The following FER variants were observed in gnomAD, a reference collection of about 807,000 sequenced individuals.
FER encodes tyrosine-protein kinase Fer.
A neutral mutation model predicts 111.0 loss-of-function variants in FER; 63 were observed. That is an observed-to-expected ratio of 0.57 (90% CI 0.46 to 0.70). The LOEUF (loss-of-function observed/expected upper bound fraction) is 0.70, where lower values mean the gene tolerates loss of function less well. Ranked by LOEUF, FER falls within the 30% of genes least tolerant of loss-of-function variation. The pLI, the probability that FER is intolerant of heterozygous loss-of-function variation, is 0.00. For synonymous variants in FER, 327 were observed against 313.9 expected (o/e 1.04, Z -0.44); for missense variants, 914 against 954.0 (o/e 0.96, Z 0.55).
At chr5:109,185,243 G>C (rs1204018766) in intron 18 of FER, among the ~76,000 whole-genome samples, 1 of 152,070 alleles carries the variant, frequency 6.6e-6, no homozygotes, top group Non-Finnish European at 1.5e-5. Context: ...CAGTAAAACA[G>C]GTGCACCTAG....
In FER at chr5:109,194,806, C is replaced by T. The variant is rs1184248006; in HGVS notation, c.*7231C>T. 6.9e-6 allele frequency: 1 copy of T among 145,182 alleles called. No homozygotes were observed. The highest frequency in any genetic ancestry group is 2.4e-5 in the African/African-American group (1 of 40,824). 9.0% of individuals were successfully genotyped at this position (145,182 alleles called of 1,614,324 possible). On this transcript the variant is annotated 3_prime_UTR_variant, in exon 20 of 20. Transcript: ENST00000281092. Reference sequence around the variant, plus strand: ...CAGGAAAGGAAACAGAATCCAAAGTCATTTTTCATATAGCTGTTGTCAAAT... The same window carrying T: ...CAGGAAAGGAAACAGAATCCAAAGTTATTTTTCATATAGCTGTTGTCAAAT...
At chr5:108,969,114 AG>A (rs2149692135) in intron 13 of FER, among the ~76,000 whole-genome samples, 1 of 152,302 alleles carries the variant, frequency 6.6e-6, no homozygotes, top group South Asian at 2.1e-4. Context: ...CCACTATAGA[AG>A]GCATTTTGGC....
At chr5:108,976,921 C>T (rs915300389) in intron 13 of FER, among the ~76,000 whole-genome samples, 1 of 152,172 alleles carries the variant, frequency 6.6e-6, no homozygotes, top group African/African-American at 2.4e-5. Flanking sequence ...TCCAGCATCA[C>T]TAGTGGCACT....
At chr5:108,897,918 T>C in intron 10 of FER, 70 bp downstream of exon 10, 4 of 1,317,286 alleles carry the variant, frequency 3.0e-6, no homozygotes, top group Non-Finnish European at 4.1e-6. Flanking sequence ...ATACAAAAAT[T>C]ATTTAAATTT....
At chr5:108,839,826 C>T (rs1761078419) in intron 5 of FER, among the ~76,000 whole-genome samples, 1 of 152,004 alleles carries the variant, frequency 6.6e-6, no homozygotes, top group Non-Finnish European at 1.5e-5. Flanking sequence ...ATCCGCCTGC[C>T]TTCGCCTCCC....
chr5:109,005,861 T>G (rs1765432837), intron 13 of FER, among the ~76,000 whole-genome samples: 1 of 152,226 alleles, frequency 6.6e-6, no homozygotes, highest in Admixed American at 6.5e-5. Context: ...ATGAATGAAT[T>G]AATCATTCCA....
At chr5:109,133,160 T>C (rs1479607097) in intron 17 of FER, among the ~76,000 whole-genome samples, 2 of 152,188 alleles carry the variant, frequency 1.3e-5, no homozygotes, top group East Asian at 3.8e-4. Flanking sequence ...AAAGTGCATA[T>C]CATAAATTGA....
intron 10 of FER, among the ~76,000 whole-genome samples, chr5:108,939,656 T>C (rs540633262): frequency 6.6e-6 from 1 of 152,206 alleles, no homozygotes; most frequent in East Asian, 1.9e-4. Context: ...CCTGGTTGGA[T>C]TTTATTAGCT....
rs1752816757 is a variant in FER, at chr5:108,770,815, T to A, written c.-60+2577T>A. Reference sequence around the variant, plus strand: ...CAGCTTCATCAGAGGATATTTATATTCAGCTTCTTAGGATTGATATTTCAG... The same window carrying A: ...CAGCTTCATCAGAGGATATTTATATACAGCTTCTTAGGATTGATATTTCAG... On this transcript the variant is annotated intron_variant, in intron 2 of 19. Transcript: ENST00000281092. Among the ~76,000 whole-genome samples, 3 of 152,322 alleles carry A rather than the reference T, an allele frequency of 2.0e-5. No homozygotes were observed. In the South Asian group the frequency reaches 6.2e-4, roughly 32 times the overall value.
At position 108,871,374 on chromosome 5, in the gene FER, A is replaced by G. The variant is rs143449963; in HGVS notation, c.675A>G (p.Ile225Met). The G allele has an allele frequency of 6.2e-7, 1 of 1,608,432 alleles. No homozygotes were observed. The highest frequency in any genetic ancestry group is 1.3e-5 in the African/African-American group (1 of 74,644). The change falls in exon 7 of 20, where the codon ATA becomes ATG. Residue 225 changes from isoleucine to methionine, a missense_variant. By Grantham distance (10) the Ile-to-Met change is conservative. Around this residue, in one of 3 missense-constraint regions of FER, gnomAD observed 774 missense variants for 782.6 expected, o/e 0.99. Coordinates refer to ENST00000281092, the MANE Select transcript of FER (RefSeq NM_005246.4). ...TTATTTTTGTTTTCAGCAAAGGTAT[A>G]TTTGATGAATACAGCCAGATAACCA... ...QEEMIKALKG[I>M]FDEYSQITSL... is the part of the protein sequence containing the mutation.
At chr5:108,876,862 T>G (rs1231820885) in intron 8 of FER, among the ~76,000 whole-genome samples, 1 of 152,248 alleles carries the variant, frequency 6.6e-6, no homozygotes. Context: ...CAAAAAATTT[T>G]CATTCTTCTC....
At chr5:108,931,913 G>T (rs1455329848) in intron 10 of FER, among the ~76,000 whole-genome samples, 2 of 151,936 alleles carry the variant, frequency 1.3e-5, no homozygotes, top group Non-Finnish European at 2.9e-5. Flanking sequence ...TGTGGTAATT[G>T]TTCAAATATA....
At chr5:108,892,218 C>G (rs916102080) in intron 9 of FER, among the ~76,000 whole-genome samples, 1 of 152,164 alleles carries the variant, frequency 6.6e-6, no homozygotes, top group African/African-American at 2.4e-5. Context: ...ATTTCTAGTT[C>G]TAGGTCCCTG....
At chr5:109,035,746 G>T (rs1018002546) in intron 13 of FER, among the ~76,000 whole-genome samples, 1 of 152,048 alleles carries the variant, frequency 6.6e-6, no homozygotes, top group Non-Finnish European at 1.5e-5. Context: ...TCTGCGTTGG[G>T]AAAAAAATGC....
chr5:109,123,720 C>G (rs1041493464), intron 17 of FER, among the ~76,000 whole-genome samples: 4 of 152,144 alleles, frequency 2.6e-5, no homozygotes, highest in African/African-American at 9.7e-5. Context: ...CTTATTATTT[C>G]TATCTTCTTA....
chr5:109,037,118 G>A (rs867243143), intron 13 of FER, among the ~76,000 whole-genome samples: 16 of 151,986 alleles, frequency 1.1e-4, no homozygotes, highest in African/African-American at 3.9e-4. Flanking sequence ...ACAAATAATA[G>A]CATAACATAA....
rs1759271064 is a variant in FER, at chr5:109,190,102, G to A, written c.*2527G>A. On this transcript the variant is annotated 3_prime_UTR_variant, in exon 20 of 20. Coordinates refer to ENST00000281092, the MANE Select transcript of FER (RefSeq NM_005246.4). ...ACAGTTTTTCACTGTTAATTTTGTT[G>A]TGCTTGAAGCATAATTTATTCATCC... The A allele has an allele frequency of 1.3e-5, 2 of 152,026 alleles. No individual in the cohort carries two copies. The highest frequency in any genetic ancestry group is 6.6e-5 in the Admixed American group (1 of 15,246). 9.4% of individuals were successfully genotyped at this position (152,026 alleles called of 1,614,324 possible). A position where few individuals can be genotyped will look rare whatever the true frequency, so the allele number is the denominator to read the frequency against.
chr5:108,754,406 C>CAAA (rs34475850), intron 1 of FER, among the ~76,000 whole-genome samples: 53 of 86,494 alleles, frequency 6.1e-4, no homozygotes, highest in South Asian at 1.2e-3. Context: ...GTCCCTGTCT[C>CAAA]AAAAAAAAAA....
chr5:108,845,540 T>G, intron 5 of FER, among the ~76,000 whole-genome samples: 1 of 152,274 alleles, frequency 6.6e-6, no homozygotes, highest in South Asian at 2.1e-4. Flanking sequence ...GATCATGTTA[T>G]CTATGTATAA....
Sources: gnomAD v4.1 joint callset for allele counts (sites outside exome capture counted in the v4.1 genomes callset) on GRCh38, gnomAD v4.1.1 for gene constraint, gnomAD v4.1.1 regional missense constraint, MANE v1.5 for transcripts, NCBI Gene and HGNC (gene_info 2026-07-23, HGNC 2026-07-21) for gene names.